Variants in ASIC2 observed in about 807,000 individuals in gnomAD.
ASIC2 encodes the protein acid sensing ion channel subunit 2.
Under a neutral mutation model 57.3 loss-of-function variants are expected in ASIC2, and 25 were observed. That is an observed-to-expected ratio of 0.44 (90% confidence interval 0.32 to 0.61). The LOEUF (loss-of-function observed/expected upper bound fraction) is 0.61. ASIC2 is among the 20% of genes least tolerant of loss of function. The pLI is 0.06. For synonymous variants in ASIC2, 319 were observed against 307.5 expected, an observed-to-expected ratio of 1.04 and a Z score of -0.39; for missense variants, 641 against 738.1, an observed-to-expected ratio of 0.87 and a Z score of 1.52.
chr17:33,851,232 A>G (rs1201750524), intron 1 of ASIC2, among the ~76,000 whole-genome samples: 1 of 152,132 alleles, frequency 6.6e-6, no homozygotes, highest in Non-Finnish European at 1.5e-5. Flanking sequence ...CTTTCTTAGG[A>G]GCAGCCATCC....
intron 1 of ASIC2, among the ~76,000 whole-genome samples, chr17:33,863,631 C>A (rs1337956476): frequency 2.0e-5 from 3 of 152,192 alleles, no homozygotes; most frequent in Admixed American, 6.5e-5. Flanking sequence ...GCAAGATAAT[C>A]CGGGCCACCA....
At chr17:33,972,936 A>C (rs895943514) in intron 1 of ASIC2, among the ~76,000 whole-genome samples, 2 of 152,244 alleles carry the variant, frequency 1.3e-5, no homozygotes, top group Non-Finnish European at 2.9e-5. Context: ...CCTTCTGTGC[A>C]AATCAGAGAC....
intron 1 of ASIC2, among the ~76,000 whole-genome samples, chr17:33,599,395 A>G (rs1192606831): frequency 6.6e-6 from 1 of 152,184 alleles, no homozygotes; most frequent in South Asian, 2.1e-4. Flanking sequence ...ACAAGAAGGG[A>G]TGGCCCTGTC....
At chr17:34,136,556 A>C (rs1912132593) in intron 1 of ASIC2, among the ~76,000 whole-genome samples, 1 of 152,234 alleles carries the variant, frequency 6.6e-6, no homozygotes, top group Admixed American at 6.5e-5. Flanking sequence ...TGCCAATCAG[A>C]AAATCTTTGA....
At chr17:33,402,323 G>A (rs1269915645) in intron 1 of ASIC2, among the ~76,000 whole-genome samples, 1 of 152,090 alleles carries the variant, frequency 6.6e-6, no homozygotes, top group Non-Finnish European at 1.5e-5. Context: ...GCCTGTGCAG[G>A]ATGTGAAGGT....
chr17:33,857,533 A>C (rs955959927), intron 1 of ASIC2, among the ~76,000 whole-genome samples: 1 of 152,176 alleles, frequency 6.6e-6, no homozygotes, highest in African/African-American at 2.4e-5. Context: ...GGAAGTGAGA[A>C]GTCTAGGCTC....
At chr17:33,412,079 A>C (rs1910683487) in intron 1 of ASIC2, among the ~76,000 whole-genome samples, 1 of 152,162 alleles carries the variant, frequency 6.6e-6, no homozygotes. Context: ...AAAAACCTTG[A>C]AGCTACATCA....
At chr17:33,776,653 G>A (rs1386542619) in intron 1 of ASIC2, among the ~76,000 whole-genome samples, 1 of 152,184 alleles carries the variant, frequency 6.6e-6, no homozygotes, top group African/African-American at 2.4e-5. Context: ...GCAGGGGCAA[G>A]CAAACACACA....
At chr17:34,043,022 T>C (rs1421888964) in intron 1 of ASIC2, among the ~76,000 whole-genome samples, 1 of 152,020 alleles carries the variant, frequency 6.6e-6, no homozygotes, top group Non-Finnish European at 1.5e-5. Flanking sequence ...CTGAGCAAAA[T>C]AAGTTAGACA....
chr17:33,367,991 A>C (rs1353432568), intron 1 of ASIC2, among the ~76,000 whole-genome samples: 1 of 152,224 alleles, frequency 6.6e-6, no homozygotes, highest in Non-Finnish European at 1.5e-5. Context: ...AGTACCACAG[A>C]GAGAAGTTGG....
intron 1 of ASIC2, among the ~76,000 whole-genome samples, chr17:34,098,887 G>A (rs1378013295): frequency 3.9e-5 from 6 of 152,002 alleles, no homozygotes; most frequent in African/African-American, 1.2e-4. Flanking sequence ...CAGAGGAGAT[G>A]ACTAATAAGT....
At chr17:33,895,123 G>T (rs1207910048) in intron 1 of ASIC2, among the ~76,000 whole-genome samples, 1 of 151,280 alleles carries the variant, frequency 6.6e-6, no homozygotes, top group Non-Finnish European at 1.5e-5. Flanking sequence ...CAGTCTTTTT[G>T]AATAAATGGG....
At chr17:33,056,527 A>G (rs2091998693) in intron 3 of ASIC2, among the ~76,000 whole-genome samples, 1 of 152,096 alleles carries the variant, frequency 6.6e-6, no homozygotes, top group African/African-American at 2.4e-5. Flanking sequence ...CTCTCTGTGA[A>G]CCTTTTCCAA....
rs182235031 is a variant in ASIC2, at chr17:34,124,802, T to C, written c.555+31176A>G. 2.8e-3 allele frequency among the ~76,000 whole-genome samples: 428 copies of C among 152,102 alleles called. 19 individuals carry two copies. The highest frequency in any genetic ancestry group is 0.028 in the Admixed American group (424 of 15,278). On this transcript the variant is annotated intron_variant, in intron 1 of 9. Coordinates refer to the ASIC2 transcript ENST00000359872. ...TCTTCCTGTAATGACGCTAATGCCG[T>C]CATGGGGTCTCCACACTCATTAACT...
At chr17:33,429,454 G>A (rs1309741679) in intron 1 of ASIC2, among the ~76,000 whole-genome samples, 3 of 151,996 alleles carry the variant, frequency 2.0e-5, no homozygotes, top group African/African-American at 7.3e-5. Flanking sequence ...GCAGTGGCGT[G>A]ATCTCGGCTC....
intron 1 of ASIC2, among the ~76,000 whole-genome samples, chr17:33,206,792 A>ATCCT (rs1907077823): frequency 2.0e-5 from 3 of 152,136 alleles, no homozygotes; most frequent in Non-Finnish European, 4.4e-5. Context: ...ATCCTGGATG[A>ATCCT]GTTACTGGAG....
At chr17:33,680,239 T>C (rs1351802174) in intron 1 of ASIC2, among the ~76,000 whole-genome samples, 1 of 151,964 alleles carries the variant, frequency 6.6e-6, no homozygotes, top group African/African-American at 2.4e-5. Context: ...TGTCATGATG[T>C]CCCCCACTAT....
At chr17:33,719,339 G>C (rs1909316028) in intron 1 of ASIC2, among the ~76,000 whole-genome samples, 1 of 152,168 alleles carries the variant, frequency 6.6e-6, no homozygotes, top group Non-Finnish European at 1.5e-5. Flanking sequence ...GGAGACTCAG[G>C]AGGGACCTGA....
At chr17:34,040,007 C>T (rs532166538) in intron 1 of ASIC2, 4 of 564,232 alleles carry the variant, frequency 7.1e-6, no homozygotes, top group East Asian at 3.9e-5. Flanking sequence ...AGCGCCGCAA[C>T]CCCCCGCCCG....
Sources: gnomAD v4.1 joint callset for allele counts (sites outside exome capture counted in the v4.1 genomes callset) on GRCh38, gnomAD v4.1.1 for gene constraint, MANE v1.5 for transcripts, NCBI Gene and HGNC (gene_info 2026-07-23, HGNC 2026-07-21) for gene names.